Variants in RALYL observed in about 807,000 individuals in gnomAD.
RALYL encodes the protein RNA-binding Raly-like protein.
Under a neutral mutation model 35.1 loss-of-function variants are expected in RALYL, and 29 were observed. The ratio of observed to expected loss-of-function variants is 0.83; its 90% CI spans 0.61 to 1.13. RALYL has a LOEUF of 1.13. Among genes scored for constraint, RALYL ranks in the 50% most tolerant of loss-of-function variants. The pLI, the probability that RALYL is intolerant of heterozygous loss-of-function variation, is 0.00. For synonymous variants in RALYL, 120 were observed against 127.6 expected (o/e 0.94, Z 0.40); for missense variants, 359 against 360.4 (o/e 1.00, Z 0.03).
chr8:84,831,034 T>C (rs956388522), intron 4 of RALYL, among the ~76,000 whole-genome samples: 1 of 150,678 alleles, frequency 6.6e-6, no homozygotes, highest in African/African-American at 2.4e-5. Context: ...ATGAGAAAAA[T>C]AGAGGAAAAG....
At chr8:84,823,130 T>C (rs1339107527) in intron 4 of RALYL, among the ~76,000 whole-genome samples, 2 of 152,158 alleles carry the variant, frequency 1.3e-5, no homozygotes, top group African/African-American at 4.8e-5. Context: ...TGTTATATGA[T>C]ATCAAAATGT....
intron 1 of RALYL, among the ~76,000 whole-genome samples, chr8:84,521,855 T>G (rs914329719): frequency 6.6e-6 from 1 of 152,184 alleles, no homozygotes; most frequent in Non-Finnish European, 1.5e-5. Flanking sequence ...TGCTTTCCAA[T>G]TACTTAATCT....
intron 1 of RALYL, among the ~76,000 whole-genome samples, chr8:84,240,053 G>A (rs1002417255): frequency 6.6e-6 from 1 of 152,080 alleles, no homozygotes; most frequent in Non-Finnish European, 1.5e-5. Flanking sequence ...ATTCATTGTG[G>A]AAGAATCAGT....
At chr8:84,399,697 A>T (rs542085725) in intron 1 of RALYL, among the ~76,000 whole-genome samples, 110 of 152,326 alleles carry the variant, frequency 7.2e-4, no homozygotes, top group African/African-American at 2.6e-3. Context: ...GAACAGAATT[A>T]CATTGTAATT....
At position 84,401,240 on chromosome 8, in the gene RALYL, C is replaced by G. The variant is rs115210530; in HGVS notation, c.-23-128059C>G. On this transcript the variant is annotated intron_variant, in intron 1 of 8. Transcript: ENST00000521268. The stretch of plus-strand genomic sequence containing the variant: ...TTCTTTTCTTCTTCTTTTTTTTAAT[C>G]TTTTCTTCTATTCTGTTACTTTCTA... 3.3e-3 allele frequency among the ~76,000 whole-genome samples: 506 copies of G among 151,766 alleles called. 3 individuals carry two copies. The highest frequency in any genetic ancestry group is 0.012 in the African/African-American group (482 of 41,370).
At chr8:84,889,976 T>C (rs577504384) in intron 8 of RALYL, among the ~76,000 whole-genome samples, 1 of 152,340 alleles carries the variant, frequency 6.6e-6, no homozygotes, top group Admixed American at 6.5e-5. Flanking sequence ...CTGGTTTTCT[T>C]GCTTCAACTC....
At chr8:84,566,466 G>A (rs1027121626) in intron 2 of RALYL, among the ~76,000 whole-genome samples, 2 of 151,428 alleles carry the variant, frequency 1.3e-5, no homozygotes, top group African/African-American at 4.8e-5. Context: ...GTGCATACTA[G>A]AGCCACTTAT....
At chr8:84,727,527 T>G (rs111398719) in intron 2 of RALYL, among the ~76,000 whole-genome samples, 2 of 152,016 alleles carry the variant, frequency 1.3e-5, no homozygotes, top group Non-Finnish European at 2.9e-5. Flanking sequence ...AATGTGCAGG[T>G]TAGTTACATA....
chr8:84,908,193 C>T (rs1846859528), intron 8 of RALYL, among the ~76,000 whole-genome samples: 1 of 152,140 alleles, frequency 6.6e-6, no homozygotes, highest in Non-Finnish European at 1.5e-5. Flanking sequence ...ACCCCAAATA[C>T]TTATCAATTT....
intron 1 of RALYL, among the ~76,000 whole-genome samples, chr8:84,254,835 G>A (rs998495006): frequency 4.0e-5 from 6 of 151,522 alleles, no homozygotes; most frequent in Admixed American, 1.3e-4. Flanking sequence ...GAAGACGAAC[G>A]GGGAACAAGG....
At chr8:84,219,761 G>T (rs1028654256) in intron 1 of RALYL, among the ~76,000 whole-genome samples, 9 of 151,844 alleles carry the variant, frequency 5.9e-5, no homozygotes, top group Admixed American at 4.6e-4. Flanking sequence ...TTTTGACTGG[G>T]TCTAACAGGA....
intron 8 of RALYL, among the ~76,000 whole-genome samples, chr8:84,900,835 G>A (rs1369176498): frequency 6.6e-6 from 1 of 152,164 alleles, no homozygotes; most frequent in Non-Finnish European, 1.5e-5. Flanking sequence ...AAAAAAGCAA[G>A]GAAGATTTAA....
At chr8:84,278,516 T>C (rs1446834575) in intron 1 of RALYL, among the ~76,000 whole-genome samples, 1 of 152,224 alleles carries the variant, frequency 6.6e-6, no homozygotes, top group Non-Finnish European at 1.5e-5. Context: ...CCCTAGAAAA[T>C]GGGTTTTTCC....
At chr8:84,682,807 A>ATTTTTTGATGGGT (rs1835867462) in intron 2 of RALYL, among the ~76,000 whole-genome samples, 1 of 151,534 alleles carries the variant, frequency 6.6e-6, no homozygotes, top group Non-Finnish European at 1.5e-5. Context: ...GGATTCATTG[A>ATTTTTTGATGGGT]TTTTTTGATG....
intron 1 of RALYL, among the ~76,000 whole-genome samples, chr8:84,277,675 A>C (rs1835689822): frequency 6.6e-6 from 1 of 152,226 alleles, no homozygotes; most frequent in Non-Finnish European, 1.5e-5. Context: ...AAATACACCT[A>C]TTTTAAATGG....
intron 2 of RALYL, 93 bp downstream of exon 2, chr8:84,529,670 C>T (rs2059147918): frequency 8.9e-7 from 1 of 1,121,906 alleles, no homozygotes; most frequent in Non-Finnish European, 1.2e-6. Flanking sequence ...TTGTTTCTAC[C>T]TCTTCTTTAA....
chr8:84,864,285 T>C (rs1838714868), intron 6 of RALYL, among the ~76,000 whole-genome samples: 1 of 152,178 alleles, frequency 6.6e-6, no homozygotes, highest in African/African-American at 2.4e-5. Flanking sequence ...AAACTAGAGA[T>C]ATTTTGAAAG....
intron 2 of RALYL, among the ~76,000 whole-genome samples, chr8:84,585,788 C>G: frequency 6.6e-6 from 1 of 152,156 alleles, no homozygotes; most frequent in East Asian, 1.9e-4. Flanking sequence ...TGGCCCCTCT[C>G]CTCAAGTTGC....
chr8:84,491,423 G>A (rs923763036), intron 1 of RALYL, among the ~76,000 whole-genome samples: 2 of 151,956 alleles, frequency 1.3e-5, no homozygotes, highest in African/African-American at 4.8e-5. Context: ...CTGAGGTGGG[G>A]TATATTCTCT....
Sources: allele counts gnomAD v4.1 joint callset (sites outside exome capture counted in the v4.1 genomes callset), GRCh38; gene constraint gnomAD v4.1.1; transcripts MANE v1.5; gene names NCBI Gene and HGNC (gene_info 2026-07-23, HGNC 2026-07-21).